The following MUC7 variants were observed in gnomAD, a reference collection of about 807,000 sequenced individuals.
MUC7 encodes mucin-7.
In MUC7, 2 loss-of-function variants were observed where a neutral mutation model predicts 2.5. That is an observed-to-expected ratio of 0.81 (90% CI 0.33 to 2.55). The LOEUF (loss-of-function observed/expected upper bound fraction) is 2.55, where lower values mean the gene tolerates loss of function less well. MUC7 is among the 30% of genes most tolerant of loss of function. MUC7 has a pLI of 0.11. For synonymous variants in MUC7, 133 were observed against 173.4 expected (o/e 0.77, Z 1.83); for missense variants, 408 against 455.6 (o/e 0.90, Z 0.95).
At chr4:70,471,644 C>T (rs966173145), upstream of MUC7, among the ~76,000 whole-genome samples, 7 of 152,052 alleles carry the variant, frequency 4.6e-5, no homozygotes, top group Non-Finnish European at 1.0e-4. Context: ...CCTCACTTTT[C>T]TATATGTTTG....
At chr4:70,478,117 G>A (rs917008763) in intron 2 of MUC7, among the ~76,000 whole-genome samples, 1 of 152,020 alleles carries the variant, frequency 6.6e-6, no homozygotes, top group African/African-American at 2.4e-5. Flanking sequence ...ACATGTTCCA[G>A]GCCAAGCTAA....
At chr4:70,431,190 G>A (rs184226930) in intron 1 of MUC7, among the ~76,000 whole-genome samples, 12 of 152,242 alleles carry the variant, frequency 7.9e-5, no homozygotes, top group African/African-American at 2.6e-4. Context: ...GGTCTTAGAT[G>A]CCATGAAACC....
intron 1 of MUC7, among the ~76,000 whole-genome samples, chr4:70,432,782 G>T (rs1366525301): frequency 6.6e-6 from 1 of 152,026 alleles, no homozygotes; most frequent in Non-Finnish European, 1.5e-5. Flanking sequence ...ATTGCTTTTG[G>T]TGTAGACATG....
rs376396666 is a variant in MUC7 at position 70,481,980 on chromosome 4, T to G, written c.*102T>G. 3.0e-6 allele frequency: 4 copies of G among 1,315,158 alleles called. No homozygotes were observed. Among genetic ancestry groups the G allele is most frequent in the East Asian group, 2.3e-5 (1 of 42,718 alleles). 81.5% of individuals were successfully genotyped at this position (1,315,158 alleles called of 1,614,324 possible). The stretch of plus-strand genomic sequence containing the variant: ...CACCAATCCCAACATGAAATTATAT[T>G]ACTCAGATTTAAAGCACTATCATTA... On this transcript the variant is annotated 3_prime_UTR_variant, in exon 3 of 3. Coordinates refer to ENST00000304887, the MANE Select transcript of MUC7 (RefSeq NM_152291.3).
At chr4:70,464,647 G>A (rs1342400619) in intron 1 of MUC7, among the ~76,000 whole-genome samples, 1 of 152,102 alleles carries the variant, frequency 6.6e-6, no homozygotes, top group Non-Finnish European at 1.5e-5. Context: ...TGAACTGCAT[G>A]GAGCACACCA....
chr4:70,467,518 C>A (rs7698824), upstream of MUC7, among the ~76,000 whole-genome samples: 2,054 of 151,858 alleles, frequency 0.014, 48 homozygotes, highest in African/African-American at 0.047. Flanking sequence ...GCTAGCCAGA[C>A]TAATAAAGAA....
At chr4:70,441,542 T>C (rs980852908) in intron 1 of MUC7, among the ~76,000 whole-genome samples, 2 of 152,214 alleles carry the variant, frequency 1.3e-5, no homozygotes, top group African/African-American at 2.4e-5. Context: ...AAAACTATGA[T>C]GGTGAATATT....
intron 1 of MUC7, among the ~76,000 whole-genome samples, chr4:70,447,788 CA>C (rs1244516585): frequency 6.6e-6 from 1 of 152,134 alleles, no homozygotes; most frequent in Non-Finnish European, 1.5e-5. Context: ...GTGTTTCAAA[CA>C]ATCCAACTAT....
At chr4:70,457,295 A>T (rs944216173) in intron 1 of MUC7, among the ~76,000 whole-genome samples, 2 of 152,034 alleles carry the variant, frequency 1.3e-5, no homozygotes, top group Non-Finnish European at 2.9e-5. Context: ...AATTTTTTTA[A>T]ATTAGCCAGG....
At chr4:70,439,051 A>G (rs560367473) in intron 1 of MUC7, among the ~76,000 whole-genome samples, 1 of 152,358 alleles carries the variant, frequency 6.6e-6, no homozygotes, top group African/African-American at 2.4e-5. Context: ...AACAAAATAA[A>G]GAAATTGTTT....
intron 1 of MUC7, among the ~76,000 whole-genome samples, chr4:70,435,925 T>C (rs1733820218): frequency 1.3e-5 from 2 of 152,342 alleles, no homozygotes. Context: ...CACATTTGCT[T>C]GTCTGTAAAG....
chr4:70,456,544 G>T (rs1192465912), intron 1 of MUC7, among the ~76,000 whole-genome samples: 1 of 152,150 alleles, frequency 6.6e-6, no homozygotes, highest in Non-Finnish European at 1.5e-5. Context: ...TATGATGGCA[G>T]AAGAGAGAGA....
intron 1 of MUC7, among the ~76,000 whole-genome samples, chr4:70,460,227 A>G (rs1168599630): frequency 6.6e-6 from 1 of 152,224 alleles, no homozygotes; most frequent in African/African-American, 2.4e-5. Flanking sequence ...CAGATACATA[A>G]CAAAGTAGGA....
intron 1 of MUC7, among the ~76,000 whole-genome samples, chr4:70,435,250 C>A (rs1733797053): frequency 6.6e-6 from 1 of 152,094 alleles, no homozygotes. Flanking sequence ...GAGTTCAAGT[C>A]CTGGATATCC....
intron 1 of MUC7, among the ~76,000 whole-genome samples, chr4:70,438,457 T>A (rs1356660245): frequency 2.8e-5 from 4 of 142,598 alleles, no homozygotes; most frequent in African/African-American, 1.2e-4. Context: ...TTTGTTTTGT[T>A]TTGGTTTGGT....
intron 1 of MUC7, among the ~76,000 whole-genome samples, chr4:70,457,008 T>C (rs149397643): frequency 1.3e-5 from 2 of 150,558 alleles, no homozygotes; most frequent in East Asian, 3.9e-4. Flanking sequence ...TTTGGAGAAA[T>C]AAATGTAAAC....
chr4:70,460,197 A>G (rs1350881298), intron 1 of MUC7, among the ~76,000 whole-genome samples: 1 of 152,204 alleles, frequency 6.6e-6, no homozygotes, highest in Non-Finnish European at 1.5e-5. Context: ...GGGAAAAAAA[A>G]GGAAAAGAGA....
At chr4:70,466,630 G>T (rs1441479895) in intron 1 of MUC7, among the ~76,000 whole-genome samples, 1 of 151,396 alleles carries the variant, frequency 6.6e-6, no homozygotes, top group Non-Finnish European at 1.5e-5. Flanking sequence ...TGATAAAACA[G>T]ACTTTAAACC....
chr4:70,450,824 C>G (rs1395875430), intron 1 of MUC7, among the ~76,000 whole-genome samples: 1 of 152,154 alleles, frequency 6.6e-6, no homozygotes, highest in East Asian at 1.9e-4. Context: ...TGCCTAGATG[C>G]AAGAGAAAGT....
Sources: allele counts gnomAD v4.1 joint callset (sites outside exome capture counted in the v4.1 genomes callset), GRCh38; gene constraint gnomAD v4.1.1; transcripts MANE v1.5; gene names NCBI Gene and HGNC (gene_info 2026-07-23, HGNC 2026-07-21).